TTC39B: variants seen among roughly 807,000 people sequenced by gnomAD.
TTC39B encodes tetratricopeptide repeat protein 39B.
Under a neutral mutation model 96.6 loss-of-function variants are expected in TTC39B, and 92 were observed. That is an observed-to-expected ratio of 0.95 (90% CI 0.80 to 1.13). The LOEUF (loss-of-function observed/expected upper bound fraction) is 1.13. TTC39B is among the 50% of genes most tolerant of loss of function. TTC39B has a pLI of 0.00. For synonymous variants in TTC39B, 367 were observed against 299.4 expected (o/e 1.23, Z -2.33); for missense variants, 955 against 809.3 (o/e 1.18, Z -2.18).
At chr9:15,190,331 T>G (rs894792691) in intron 11 of TTC39B, among the ~76,000 whole-genome samples, 1 of 151,854 alleles carries the variant, frequency 6.6e-6, no homozygotes, top group African/African-American at 2.4e-5. Flanking sequence ...CAACTTTATG[T>G]TTTGTCTTGT....
intron 2 of TTC39B, among the ~76,000 whole-genome samples, chr9:15,234,318 GC>G (rs1266502637): frequency 6.7e-6 from 1 of 149,944 alleles, no homozygotes; most frequent in South Asian, 2.1e-4. Flanking sequence ...CGGGGGGTCA[GC>G]CCCCCGCCCA....
chr9:15,255,753 G>C (rs568707742), intron 2 of TTC39B, among the ~76,000 whole-genome samples: 8 of 152,170 alleles, frequency 5.3e-5, no homozygotes, highest in Non-Finnish European at 1.0e-4. Context: ...ATTATGGATA[G>C]TGTTTACTAT....
At position 15,215,332 on chromosome 9, in the gene TTC39B, T is replaced by C. The variant is rs558709395; in HGVS notation, c.372-1083A>G. On this transcript the variant is annotated intron_variant, in intron 3 of 19. Transcript: ENST00000512701. ...CAGCACTTTGGGAGGCCAAGGCAGG[T>C]GAATCACTTGAGGTCAGGAGTGAGA... Among the ~76,000 whole-genome samples the C allele has an allele frequency of 1.1e-4, 16 of 151,900 alleles. No individual in the cohort carries two copies. The South Asian group carries it at 3.3e-3, about 32-fold the overall frequency.
chr9:15,214,027 T>A lies in TTC39B; in HGVS notation c.482+112A>T, dbSNP rs77976162. ...CAAAGTAAAGAGGTCTGAACTAAATTAGCTTATCAATATTCAGATGGGAAC... is the reference window on the plus strand; with the variant it reads ...CAAAGTAAAGAGGTCTGAACTAAATAAGCTTATCAATATTCAGATGGGAAC... On this transcript the variant is annotated intron_variant, in intron 4 of 19. Transcript: ENST00000512701. 8,039 of 747,134 alleles carry A rather than the reference T, an allele frequency of 0.011. 370 individuals are homozygous for A. In the African/African-American group the frequency reaches 0.11, roughly 10 times the overall value. The allele number at this position is 747,134 out of a possible 1,614,324, so 46.3% of individuals were successfully genotyped here.
At chr9:15,192,834 G>C in intron 8 of TTC39B, 139 bp from the exon 9 acceptor site, 1 of 613,766 alleles carries the variant, frequency 1.6e-6, no homozygotes, top group Admixed American at 2.9e-5. Flanking sequence ...ATGATGCTGT[G>C]CTGAGTTTAC....
intron 17 of TTC39B, among the ~76,000 whole-genome samples, chr9:15,181,755 C>A (rs1818259860): frequency 1.3e-5 from 2 of 152,200 alleles, no homozygotes; most frequent in African/African-American, 2.4e-5. Context: ...GGGAAGTGCA[C>A]GTTTCCTTGT....
intron 2 of TTC39B, among the ~76,000 whole-genome samples, chr9:15,240,452 T>C (rs1286304815): frequency 6.6e-6 from 1 of 152,240 alleles, no homozygotes; most frequent in Non-Finnish European, 1.5e-5. Flanking sequence ...ACCCTTAGTA[T>C]TATTTGTAGG....
At position 15,306,668 on chromosome 9, in the gene TTC39B, G is replaced by C. The variant is rs1042457039; in HGVS notation, c.240+416C>G. ...CCATAGAAGGTGAGATTCCCAGGTC[G>C]AGGGATGATTCCACGAACACCCAGA... On this transcript the variant is annotated intron_variant, in intron 1 of 19. Coordinates refer to ENST00000512701, the Ensembl canonical transcript of TTC39B. The surrounding 1 kb of genome is among the most constrained non-coding windows in gnomAD (Gnocchi z 5.1). Among the ~76,000 whole-genome samples the C allele has an allele frequency of 1.3e-5, 2 of 152,222 alleles. No homozygotes were observed. Among genetic ancestry groups the C allele is most frequent in the African/African-American group, 4.8e-5 (2 of 41,466 alleles).
chr9:15,237,972 A>G (rs1490464162), intron 2 of TTC39B, among the ~76,000 whole-genome samples: 2 of 152,228 alleles, frequency 1.3e-5, no homozygotes, highest in Non-Finnish European at 2.9e-5. Flanking sequence ...GTATGCAAGG[A>G]TGGTTCAACA....
chr9:15,240,658 T>C (rs1200808794), intron 2 of TTC39B, among the ~76,000 whole-genome samples: 1 of 152,234 alleles, frequency 6.6e-6, no homozygotes, highest in Non-Finnish European at 1.5e-5. Context: ...TTATCACACA[T>C]AACTCAAAAT....
At chr9:15,267,432 C>G (rs1363008370) in intron 2 of TTC39B, among the ~76,000 whole-genome samples, 1 of 152,196 alleles carries the variant, frequency 6.6e-6, no homozygotes, top group Non-Finnish European at 1.5e-5. Flanking sequence ...ACATGTAAAA[C>G]TTAGTTCTAC....
At chr9:15,200,882 G>A (rs1564339318) in intron 7 of TTC39B, among the ~76,000 whole-genome samples, 1 of 152,056 alleles carries the variant, frequency 6.6e-6, no homozygotes, top group African/African-American at 2.4e-5. Context: ...GCCTGTAGTC[G>A]CAGCTACTCA....
chr9:15,185,572 A>C, intron 15 of TTC39B, 166 bp from the exon 16 acceptor site: 1 of 1,014,312 alleles, frequency 9.9e-7, no homozygotes, highest in Non-Finnish European at 1.4e-6. Context: ...AGACCTACTG[A>C]ATCAGCAACT....
At chr9:15,289,977 C>T (rs1455864467) in intron 1 of TTC39B, among the ~76,000 whole-genome samples, 1 of 152,126 alleles carries the variant, frequency 6.6e-6, no homozygotes, top group African/African-American at 2.4e-5. Context: ...AACACTGACC[C>T]AAAAGCACCC....
chr9:15,211,784 T>C (rs911541455), intron 4 of TTC39B, among the ~76,000 whole-genome samples: 1 of 152,216 alleles, frequency 6.6e-6, no homozygotes, highest in Non-Finnish European at 1.5e-5. Context: ...GATTCTGATA[T>C]ATTTTTTCAA....
At chr9:15,182,876 C>T (rs890421529) in intron 16 of TTC39B, among the ~76,000 whole-genome samples, 4 of 152,112 alleles carry the variant, frequency 2.6e-5, no homozygotes, top group Admixed American at 6.6e-5. Flanking sequence ...CAATTAGAAA[C>T]ATGTGACGGT....
chr9:15,225,200 C>T (rs1029892377), intron 3 of TTC39B, among the ~76,000 whole-genome samples: 1 of 151,716 alleles, frequency 6.6e-6, no homozygotes, highest in Non-Finnish European at 1.5e-5. Context: ...GAAAATATCA[C>T]GATATATTAA....
At position 15,272,114 on chromosome 9, in the gene TTC39B, CAAATT is replaced by C. The variant is rs879470833; in HGVS notation, c.241-4171_241-4167del. 5.6e-3 allele frequency among the ~76,000 whole-genome samples: 857 copies of C among 152,304 alleles called. 7 individuals are homozygous for C. Among genetic ancestry groups the C allele is most frequent in the South Asian group, 0.023 (110 of 4,826 alleles). ...TCTGTCTTGGTCCCCACACTCAGTT[CAAATT>C]CTATCCCTTTTCTGCTGCTGCCTCA... On this transcript the variant is annotated intron_variant, in intron 1 of 19. Transcript: ENST00000512701.
intron 1 of TTC39B, among the ~76,000 whole-genome samples, chr9:15,296,511 T>G (rs1485296872): frequency 6.6e-6 from 1 of 152,208 alleles, no homozygotes; most frequent in Non-Finnish European, 1.5e-5. Flanking sequence ...ATTTTTTTTT[T>G]GAGAAGGAAT....
Sources: gnomAD v4.1 joint callset for allele counts (sites outside exome capture counted in the v4.1 genomes callset) on GRCh38, gnomAD v4.1.1 for gene constraint, Gnocchi (gnomAD v3.1) non-coding constraint, MANE v1.5 for transcripts, NCBI Gene and HGNC (gene_info 2026-07-23, HGNC 2026-07-21) for gene names.